NDUFA12: variants seen among roughly 807,000 people sequenced by gnomAD.
NDUFA12 encodes NADH dehydrogenase [ubiquinone] 1 alpha subcomplex subunit 12.
A neutral mutation model predicts 20.3 loss-of-function variants in NDUFA12; 17 were observed. The observed-to-expected ratio is 0.84, with a 90% CI of 0.57 to 1.26. The LOEUF is 1.26. Ranked by LOEUF, NDUFA12 falls within the 50% of genes most tolerant of loss-of-function variation. The pLI is 0.00. For synonymous variants in NDUFA12, 72 were observed against 63.6 expected, an observed-to-expected ratio of 1.13 and a Z score of -0.63; for missense variants, 191 against 183.7, an observed-to-expected ratio of 1.04 and a Z score of -0.23.
intron 2 of NDUFA12, among the ~76,000 whole-genome samples, chr12:94,995,278 C>A (rs11107852): frequency 6.6e-6 from 1 of 152,172 alleles, no homozygotes; most frequent in African/African-American, 2.4e-5. Flanking sequence ...ACATTTACTG[C>A]TTCATTTAGA....
intron 3 of NDUFA12, among the ~76,000 whole-genome samples, chr12:94,983,996 C>A (rs1874326266): frequency 6.6e-6 from 1 of 151,842 alleles, no homozygotes; most frequent in Non-Finnish European, 1.5e-5. Context: ...GGGAGGGTGG[C>A]AAGCTGGTTT....
chr12:94,982,086 T>G (rs1874259461), intron 3 of NDUFA12, among the ~76,000 whole-genome samples: 1 of 152,188 alleles, frequency 6.6e-6, no homozygotes, highest in African/African-American at 2.4e-5. Context: ...GGTGAGATTA[T>G]GCAGCTACTG....
chr12:94,984,184 C>A (rs979247411), intron 3 of NDUFA12, among the ~76,000 whole-genome samples: 1 of 152,074 alleles, frequency 6.6e-6, no homozygotes, highest in Admixed American at 6.5e-5. Flanking sequence ...TGCTGGACTG[C>A]CGTCAGTGGT....
intron 2 of NDUFA12, among the ~76,000 whole-genome samples, chr12:94,999,350 G>A (rs746184782): frequency 6.6e-5 from 10 of 152,116 alleles, no homozygotes; most frequent in African/African-American, 2.2e-4. Context: ...GGATCAAAGA[G>A]TTAAATCTAA....
At chr12:94,995,020 C>T (rs1366486120) in intron 2 of NDUFA12, among the ~76,000 whole-genome samples, 1 of 152,172 alleles carries the variant, frequency 6.6e-6, no homozygotes, top group Non-Finnish European at 1.5e-5. Context: ...CATACATTCA[C>T]CTAGTTCAGC....
intron 3 of NDUFA12, among the ~76,000 whole-genome samples, chr12:94,974,909 A>G (rs1874019261): frequency 6.6e-6 from 1 of 152,138 alleles, no homozygotes; most frequent in Non-Finnish European, 1.5e-5. Context: ...GGGTATAAAA[A>G]AAAATAGTCA....
intron 3 of NDUFA12, among the ~76,000 whole-genome samples, chr12:94,982,639 G>A (rs572840914): frequency 1.3e-5 from 2 of 152,238 alleles, no homozygotes; most frequent in East Asian, 3.9e-4. Context: ...TCATGAGACA[G>A]GTGCAGGAGC....
In NDUFA12 at chr12:94,971,512, T is replaced by C; in HGVS notation, c.366A>G (p.Glu122=). The C allele has an allele frequency of 6.2e-7, 1 of 1,614,244 alleles. No homozygotes were observed. The highest frequency in any genetic ancestry group is 1.1e-5 in the South Asian group (1 of 91,084). The part of the protein sequence containing the change: ...NHKFNVTGTP[E]QYVPYSTTRK... ...TAGTGGTAGAATAAGGTACATATTGTTCTGGGGTGCCAGTCACGTTGAATT... is the reference window on the plus strand; with the variant it reads ...TAGTGGTAGAATAAGGTACATATTGCTCTGGGGTGCCAGTCACGTTGAATT... Residue 122 remains glutamate, a synonymous_variant, in exon 4 of 4, where the codon GAA becomes GAG. Transcript: ENST00000327772.
chr12:94,997,038 T>C (rs1462258397), intron 2 of NDUFA12: 6 of 288,938 alleles, frequency 2.1e-5, no homozygotes, highest in South Asian at 1.8e-4. Context: ...AATTCTGTGA[T>C]TTATGTATTA....
At chr12:94,990,195 ACCTGCACAT>A in intron 3 of NDUFA12, among the ~76,000 whole-genome samples, 1 of 152,084 alleles carries the variant, frequency 6.6e-6, no homozygotes, top group Non-Finnish European at 1.5e-5. Flanking sequence ...ACCTATGTCA[ACCTGCACAT>A]CCTGCACATG....
intron 3 of NDUFA12, among the ~76,000 whole-genome samples, chr12:94,981,097 C>T (rs1349717036): frequency 6.6e-6 from 1 of 150,922 alleles, no homozygotes; most frequent in Non-Finnish European, 1.5e-5. Context: ...AAAATAAAGA[C>T]AAGAACAAGA....
At chr12:94,979,157 G>A (rs368226529) in intron 3 of NDUFA12, among the ~76,000 whole-genome samples, 6 of 152,122 alleles carry the variant, frequency 3.9e-5, no homozygotes, top group African/African-American at 1.4e-4. Flanking sequence ...GAGCCCAGGA[G>A]TTCAAGGCTG....
At chr12:94,988,819 C>A (rs1053394327) in intron 3 of NDUFA12, among the ~76,000 whole-genome samples, 2 of 152,184 alleles carry the variant, frequency 1.3e-5, no homozygotes, top group Non-Finnish European at 2.9e-5. Context: ...CCCACCTGCA[C>A]CCAGGCGCTC....
At chr12:95,003,485 T>C (rs1034802844) in intron 1 of NDUFA12, 110 bp downstream of exon 1, 22 of 1,200,438 alleles carry the variant, frequency 1.8e-5, no homozygotes, top group Admixed American at 1.4e-4. Context: ...CGGTTGTCCT[T>C]GACAAGAGCT....
At chr12:94,981,820 G>A (rs1874249459) in intron 3 of NDUFA12, among the ~76,000 whole-genome samples, 1 of 152,132 alleles carries the variant, frequency 6.6e-6, no homozygotes, top group Non-Finnish European at 1.5e-5. Context: ...TATTTTCAAG[G>A]CACGTGTAGC....
At chr12:94,979,723 T>G (rs772956762) in intron 3 of NDUFA12, among the ~76,000 whole-genome samples, 1 of 151,346 alleles carries the variant, frequency 6.6e-6, no homozygotes, top group Non-Finnish European at 1.5e-5. Context: ...TAATCCCAGC[T>G]ACCCAGGTGG....
At chr12:94,978,109 T>C (rs990054360) in intron 3 of NDUFA12, among the ~76,000 whole-genome samples, 3 of 152,208 alleles carry the variant, frequency 2.0e-5, no homozygotes, top group African/African-American at 7.2e-5. Context: ...CAGACTGTGA[T>C]CACATAACGC....
chr12:94,999,880 A>G (rs938744994), intron 2 of NDUFA12, among the ~76,000 whole-genome samples: 2 of 152,214 alleles, frequency 1.3e-5, no homozygotes, highest in African/African-American at 4.8e-5. Flanking sequence ...GCTGTTGGGA[A>G]TGTGAACTAG....
At chr12:94,985,626 CAAAAAAAAAAAA>C (rs35674364) in intron 3 of NDUFA12, among the ~76,000 whole-genome samples, 1 of 43,570 alleles carries the variant, frequency 2.3e-5, no homozygotes, top group East Asian at 7.2e-4. Context: ...GACTCCATCT[CAAAAAAAAAAAA>C]AAAAAAAAAG....
Sources: gnomAD v4.1 joint callset for allele counts (sites outside exome capture counted in the v4.1 genomes callset) on GRCh38, gnomAD v4.1.1 for gene constraint, MANE v1.5 for transcripts, NCBI Gene and HGNC (gene_info 2026-07-23, HGNC 2026-07-21) for gene names.